RNF220: variants seen among roughly 807,000 people sequenced by gnomAD.
The protein encoded by RNF220 is ring finger protein 220.
In RNF220, 7 loss-of-function variants were observed where a neutral mutation model predicts 67.1. The observed-to-expected ratio is 0.10, with a 90% CI of 0.06 to 0.20. The LOEUF is 0.20. RNF220 is among the 10% of genes least tolerant of loss of function. The pLI is 1.00. For missense variants in RNF220, 565 were observed against 740.3 expected (o/e 0.76, Z 2.75); for synonymous variants, 270 against 283.2 (o/e 0.95, Z 0.47).
chr1:44,650,182 C>T lies in RNF220; in HGVS notation c.1629+225C>T, dbSNP rs978035638. ...TCCCCCTCCATGAGTTCACTGCATTCTCCCTTCCCCGCCCCGGTCCCCGAA... is the reference window on the plus strand; with the variant it reads ...TCCCCCTCCATGAGTTCACTGCATTTTCCCTTCCCCGCCCCGGTCCCCGAA... On this transcript the variant is annotated intron_variant, in intron 14 of 14. Transcript: ENST00000361799. This position sits in a 1 kb window ranked among gnomAD's most constrained non-coding sequence, Gnocchi z 4.3. 3.4e-6 allele frequency: 2 copies of T among 595,020 alleles called. No individual in the cohort carries two copies. The highest frequency in any genetic ancestry group is 5.6e-5 in the East Asian group (2 of 35,438). The allele number at this position is 595,020 out of a possible 1,614,324, so 36.9% of individuals were successfully genotyped here.
Position 44,412,763 on chromosome 1 carries a change from C to A in RNF220, c.625+41C>A. On this transcript the variant is annotated intron_variant, in intron 2 of 14. Coordinates refer to ENST00000361799, the MANE Select transcript of RNF220 (RefSeq NM_018150.4). The surrounding 1 kb of genome is among the most constrained non-coding windows in gnomAD (Gnocchi z 5.3). The stretch of plus-strand genomic sequence containing the variant: ...CCAGCCCTCCCTTACCCCCAGTAAG[C>A]CCTGCCTCACCGTGATGTTCAACAG... 1.3e-6 allele frequency: 2 copies of A among 1,577,996 alleles called. No individual in the cohort carries two copies. The highest frequency in any genetic ancestry group is 1.7e-6 in the Non-Finnish European group (2 of 1,160,636).
chr1:44,543,236 T>G (rs1661823845), intron 2 of RNF220, among the ~76,000 whole-genome samples: 1 of 151,202 alleles, frequency 6.6e-6, no homozygotes. Context: ...CCCCTCCCCC[T>G]TCCCTCCGGT....
chr1:44,640,917 G>A (rs1644470671), intron 8 of RNF220, among the ~76,000 whole-genome samples: 1 of 152,194 alleles, frequency 6.6e-6, no homozygotes, highest in Non-Finnish European at 1.5e-5. Context: ...GTTTTGTTGG[G>A]AGCAGCAGGT....
chr1:44,570,675 G>A (rs959743731), intron 2 of RNF220, among the ~76,000 whole-genome samples: 3 of 152,134 alleles, frequency 2.0e-5, no homozygotes, highest in Admixed American at 1.3e-4. Context: ...CTCATGTCGC[G>A]ATGCAGGTCA....
At chr1:44,631,167 C>A (rs1056120540) in intron 5 of RNF220, among the ~76,000 whole-genome samples, 4 of 152,236 alleles carry the variant, frequency 2.6e-5, no homozygotes, top group Non-Finnish European at 5.9e-5. Flanking sequence ...CGGCCCCAAC[C>A]CTGAAGTGGT....
chr1:44,432,827 T>C (rs889550833), intron 2 of RNF220, among the ~76,000 whole-genome samples: 1 of 152,080 alleles, frequency 6.6e-6, no homozygotes, highest in African/African-American at 2.4e-5. Flanking sequence ...AATATTTTGT[T>C]GGTATAAGTT....
chr1:44,501,123 G>T (rs1463726196), intron 2 of RNF220, among the ~76,000 whole-genome samples: 1 of 149,948 alleles, frequency 6.7e-6, no homozygotes, highest in Non-Finnish European at 1.5e-5. Flanking sequence ...CCACCAGCCC[G>T]AGTGACACAG....
chr1:44,559,318 G>A (rs1558043205), intron 2 of RNF220, among the ~76,000 whole-genome samples: 4 of 152,338 alleles, frequency 2.6e-5, no homozygotes, highest in Middle Eastern at 3.4e-3. Context: ...GGCCCTAGCA[G>A]GGCAGGTGCT....
intron 2 of RNF220, chr1:44,419,757 T>C (rs1252103889): frequency 1.3e-5 from 2 of 152,204 alleles, no homozygotes; most frequent in Non-Finnish European, 2.9e-5. Context: ...GGTTTCATGA[T>C]GATGAAGGTA....
At chr1:44,462,486 A>G (rs1427940355) in intron 2 of RNF220, among the ~76,000 whole-genome samples, 4 of 152,286 alleles carry the variant, frequency 2.6e-5, no homozygotes, top group Middle Eastern at 3.4e-3. Context: ...AGGCCATGAA[A>G]TCTTACAACT....
At chr1:44,629,413 T>C (rs1473307820) in intron 5 of RNF220, among the ~76,000 whole-genome samples, 1 of 152,274 alleles carries the variant, frequency 6.6e-6, no homozygotes, top group African/African-American at 2.4e-5. Context: ...GACCTTGTCT[T>C]ATCCTTCCTT....
intron 2 of RNF220, among the ~76,000 whole-genome samples, chr1:44,591,888 AAGCCCTCTCCACCTCCG>A (rs1419745312): frequency 6.6e-6 from 1 of 151,770 alleles, no homozygotes; most frequent in Non-Finnish European, 1.5e-5. Context: ...CTCCTCCAGG[AAGCCCTCTCCACCTCCG>A]AGCCCTGACC....
intron 12 of RNF220, among the ~76,000 whole-genome samples, chr1:44,648,069 G>A (rs867814592): frequency 6.6e-6 from 1 of 152,214 alleles, no homozygotes. Flanking sequence ...GCCAGACTGG[G>A]CTCTTGGGCC....
Position 44,650,204 on chromosome 1 carries a change from C to A in RNF220, c.1629+247C>A. ...ATTCTCCCTTCCCCGCCCCGGTCCC[C>A]GAAGGCCCACTGCATCACACAGACT... On this transcript the variant is annotated intron_variant, in intron 14 of 14. Coordinates refer to ENST00000361799, the MANE Select transcript of RNF220 (RefSeq NM_018150.4). This position sits in a 1 kb window ranked among gnomAD's most constrained non-coding sequence, Gnocchi z 4.3. 1 of 577,380 alleles carries A rather than the reference C, an allele frequency of 1.7e-6. No individual in the cohort carries two copies. Among genetic ancestry groups the A allele is most frequent in the Non-Finnish European group, 3.1e-6 (1 of 323,802 alleles). The allele number at this position is 577,380 out of a possible 1,614,324, so 35.8% of individuals were successfully genotyped here.
chr1:44,506,721 G>A (rs1378316034), intron 2 of RNF220, among the ~76,000 whole-genome samples: 1 of 152,226 alleles, frequency 6.6e-6, no homozygotes, highest in Non-Finnish European at 1.5e-5. Context: ...TGGAGTAGGA[G>A]CCAGAAGTCC....
intron 2 of RNF220, among the ~76,000 whole-genome samples, chr1:44,423,338 G>T (rs893545762): frequency 6.6e-6 from 1 of 152,218 alleles, no homozygotes; most frequent in African/African-American, 2.4e-5. Context: ...AGTGAGAATA[G>T]AATTGTTCCC....
intron 2 of RNF220, among the ~76,000 whole-genome samples, chr1:44,532,172 A>G (rs1165431583): frequency 6.6e-6 from 1 of 152,200 alleles, no homozygotes; most frequent in Admixed American, 6.5e-5. Context: ...CTCACAAAGA[A>G]TGGTGCCCAG....
intron 2 of RNF220, among the ~76,000 whole-genome samples, chr1:44,439,814 G>T (rs1244250466): frequency 6.6e-6 from 1 of 152,156 alleles, no homozygotes; most frequent in Non-Finnish European, 1.5e-5. Context: ...GAAGATGAGA[G>T]GTACCAAGAC....
At chr1:44,443,965 C>T (rs546923138) in intron 2 of RNF220, among the ~76,000 whole-genome samples, 1 of 152,310 alleles carries the variant, frequency 6.6e-6, no homozygotes. Flanking sequence ...TTGGCGCATG[C>T]CTGTAATCCC....
Sources: allele counts gnomAD v4.1 joint callset (sites outside exome capture counted in the v4.1 genomes callset), GRCh38; gene constraint gnomAD v4.1.1; non-coding constraint Gnocchi (gnomAD v3.1); transcripts MANE v1.5; gene names NCBI Gene and HGNC (gene_info 2026-07-23, HGNC 2026-07-21).